The following RGS7 variants were observed in gnomAD, a reference collection of about 807,000 sequenced individuals.
The protein encoded by RGS7 is regulator of G-protein signaling 7.
A neutral mutation model predicts 81.1 loss-of-function variants in RGS7; 27 were observed. The observed-to-expected ratio is 0.33, with a 90% CI of 0.25 to 0.46. The LOEUF is 0.46. Ranked by LOEUF, RGS7 falls within the 20% of genes least tolerant of loss-of-function variation. RGS7 has a pLI of 1.00. For missense variants in RGS7, 396 were observed against 607.4 expected, an observed-to-expected ratio of 0.65 and a Z score of 3.66; for synonymous variants, 208 against 207.7, an observed-to-expected ratio of 1.00 and a Z score of -0.01.
chr1:240,952,198 A>T (rs1679676856), intron 4 of RGS7, among the ~76,000 whole-genome samples: 1 of 152,138 alleles, frequency 6.6e-6, no homozygotes, highest in African/African-American at 2.4e-5. Context: ...TAAAGAAAGA[A>T]AGAACATCAG....
intron 2 of RGS7, among the ~76,000 whole-genome samples, chr1:241,263,452 G>T (rs1023212448): frequency 6.6e-5 from 10 of 152,130 alleles, no homozygotes; most frequent in Non-Finnish European, 1.5e-4. Flanking sequence ...TACAACTATA[G>T]CATGGTGGAT....
intron 11 of RGS7, among the ~76,000 whole-genome samples, chr1:240,814,984 A>C (rs1424294406): frequency 6.6e-6 from 1 of 152,228 alleles, no homozygotes; most frequent in African/African-American, 2.4e-5. Flanking sequence ...ATATCACTTT[A>C]GAAGAGCAAT....
chr1:241,059,130 T>A (rs1242310805), intron 3 of RGS7, among the ~76,000 whole-genome samples: 9 of 152,172 alleles, frequency 5.9e-5, no homozygotes, highest in Non-Finnish European at 4.4e-5. Context: ...TCCATCCACC[T>A]CTCAGGGTGC....
In RGS7 at chr1:241,210,502, T is replaced by A. The variant is rs547290241; in HGVS notation, c.79-111740A>T. On this transcript the variant is annotated intron_variant, in intron 2 of 18. Transcript: ENST00000440928. Reference sequence around the variant, plus strand: ...CAATGAATAGAAAAGTCTGATGGATTTATGGCTAAATAACAGAAAGAAGGG... The same window carrying A: ...CAATGAATAGAAAAGTCTGATGGATATATGGCTAAATAACAGAAAGAAGGG... 3.3e-5 allele frequency among the ~76,000 whole-genome samples: 5 copies of A among 152,300 alleles called. No homozygotes were observed. The South Asian group carries it at 8.3e-4, about 25-fold the overall frequency.
At chr1:240,955,935 A>G (rs1474756867) in intron 4 of RGS7, among the ~76,000 whole-genome samples, 2 of 35,596 alleles carry the variant, frequency 5.6e-5, no homozygotes, top group Non-Finnish European at 8.0e-5. Flanking sequence ...AGAAGAAAAC[A>G]TAGGAGGGAA....
chr1:241,185,197 A>G (rs2071987643), intron 2 of RGS7, among the ~76,000 whole-genome samples: 1 of 152,334 alleles, frequency 6.6e-6, no homozygotes, highest in Admixed American at 6.5e-5. Flanking sequence ...GTCTACGTAT[A>G]AAGATCATTC....
intron 6 of RGS7, among the ~76,000 whole-genome samples, chr1:240,878,766 CT>C (rs1665900771): frequency 6.6e-6 from 1 of 152,034 alleles, no homozygotes; most frequent in South Asian, 2.1e-4. Context: ...GGTCTGCAAT[CT>C]GCTTTTTTTC....
At chr1:240,960,217 C>CTTCTTTTTTTTTTT (rs60911948) in intron 4 of RGS7, among the ~76,000 whole-genome samples, 1,968 of 8,824 alleles carry the variant, frequency 0.22, 484 homozygotes, top group South Asian at 0.29. Flanking sequence ...TCTTCTTCTT[C>CTTCTTTTTTTTTTT]TTTTTTTTTT....
intron 2 of RGS7, among the ~76,000 whole-genome samples, chr1:241,129,580 A>G (rs2066929975): frequency 6.6e-6 from 1 of 152,224 alleles, no homozygotes; most frequent in Admixed American, 6.5e-5. Flanking sequence ...CTAGAATTGC[A>G]TTAAGTATAT....
chr1:241,028,866 G>A (rs1186769277), intron 3 of RGS7, among the ~76,000 whole-genome samples: 1 of 152,130 alleles, frequency 6.6e-6, no homozygotes, highest in East Asian at 1.9e-4. Flanking sequence ...TGACTACCAA[G>A]GCCACCTGTT....
intron 2 of RGS7, among the ~76,000 whole-genome samples, chr1:241,162,826 G>A (rs2069839862): frequency 6.6e-6 from 1 of 152,130 alleles, no homozygotes; most frequent in South Asian, 2.1e-4. Context: ...TCTTCCCCGA[G>A]TTCACACAGC....
intron 9 of RGS7, among the ~76,000 whole-genome samples, chr1:240,855,616 T>C (rs902443894): frequency 3.3e-5 from 5 of 152,044 alleles, no homozygotes; most frequent in Non-Finnish European, 5.9e-5. Context: ...TACAATATAC[T>C]GTCTTGTGGA....
intron 2 of RGS7, among the ~76,000 whole-genome samples, chr1:241,099,389 CATA>C (rs1428981490): frequency 1.3e-5 from 2 of 152,052 alleles, no homozygotes; most frequent in Non-Finnish European, 2.9e-5. Context: ...TACACACACA[CATA>C]TATGCACACA....
chr1:241,210,153 A>T lies in RGS7; in HGVS notation c.79-111391T>A, dbSNP rs181752630. On this transcript the variant is annotated intron_variant, in intron 2 of 18. Coordinates refer to ENST00000440928, the MANE Select transcript of RGS7 (RefSeq NM_001364886.1). ...ACCAGGAATGCAACCATATATATATATATTTTTTCTTTTTGAGATGGAGTC... is the reference window on the plus strand; with the variant it reads ...ACCAGGAATGCAACCATATATATATTTATTTTTTCTTTTTGAGATGGAGTC... 5.9e-4 allele frequency among the ~76,000 whole-genome samples: 89 copies of T among 151,846 alleles called. 1 individual carries two copies. In the East Asian group the frequency reaches 7.2e-3, roughly 12 times the overall value.
intron 2 of RGS7, among the ~76,000 whole-genome samples, chr1:241,261,607 C>T (rs1411861104): frequency 3.0e-5 from 4 of 132,574 alleles, no homozygotes; most frequent in Non-Finnish European, 3.1e-5. Flanking sequence ...CCAGCCTGGG[C>T]GACAGGGTGA....
chr1:240,801,610 T>G lies in RGS7; in HGVS notation c.1360-102A>C, dbSNP rs1202617327. On this transcript the variant is annotated intron_variant, in intron 16 of 18. Coordinates refer to ENST00000440928, the MANE Select transcript of RGS7 (RefSeq NM_001364886.1). ...AGCAGAAAAAGACAGGATAATGAAA[T>G]GATGCAACACCAAATCCATGTTCTA... 4.9e-6 allele frequency: 4 copies of G among 817,550 alleles called. No homozygotes were observed. The East Asian group carries it at 1.0e-4, about 21-fold the overall frequency. The allele number at this position is 817,550 out of a possible 1,614,324, so 50.6% of individuals were successfully genotyped here.
At chr1:241,242,854 G>A (rs1165514392) in intron 2 of RGS7, among the ~76,000 whole-genome samples, 1 of 151,974 alleles carries the variant, frequency 6.6e-6, no homozygotes, top group Non-Finnish European at 1.5e-5. Context: ...CTGATTTTTG[G>A]AGTTCCTTGT....
At chr1:240,895,023 T>C (rs1668820452) in intron 6 of RGS7, among the ~76,000 whole-genome samples, 1 of 152,200 alleles carries the variant, frequency 6.6e-6, no homozygotes, top group African/African-American at 2.4e-5. Context: ...CAGTCCGTCA[T>C]GGCTTGGGGC....
At chr1:241,131,622 C>CA (rs2067109446) in intron 2 of RGS7, among the ~76,000 whole-genome samples, 1 of 151,944 alleles carries the variant, frequency 6.6e-6, no homozygotes, top group Admixed American at 6.5e-5. Flanking sequence ...ATTTAAAAAG[C>CA]AAAAATGAGA....
Sources: gnomAD v4.1 joint callset for allele counts (sites outside exome capture counted in the v4.1 genomes callset) on GRCh38, gnomAD v4.1.1 for gene constraint, MANE v1.5 for transcripts, NCBI Gene and HGNC (gene_info 2026-07-23, HGNC 2026-07-21) for gene names.